Variants in TGM3 observed in about 807,000 individuals in gnomAD.
TGM3 encodes protein-glutamine gamma-glutamyltransferase E.
A neutral mutation model predicts 73.8 loss-of-function variants in TGM3; 52 were observed. The observed-to-expected ratio is 0.70, with a 90% confidence interval of 0.56 to 0.89. The LOEUF (loss-of-function observed/expected upper bound fraction) is 0.89, where lower values mean the gene tolerates loss of function less well. Among genes scored for constraint, TGM3 ranks in the 40% least tolerant of loss-of-function variants. The pLI is 0.00. For missense variants in TGM3, 928 were observed against 909.9 expected, an observed-to-expected ratio of 1.02 and a Z score of -0.26; for synonymous variants, 372 against 354.9, an observed-to-expected ratio of 1.05 and a Z score of -0.54.
rs112111907 is a variant in TGM3, at chr20:2,329,678, C to G, written c.1333+1313C>G. 2.7e-3 allele frequency among the ~76,000 whole-genome samples: 406 copies of G among 152,222 alleles called. 1 individual carries two copies. The highest frequency in any genetic ancestry group is 9.4e-3 in the African/African-American group (392 of 41,524). ...CAAAAACTCGGGGGCGGAAGGTGAACTCTAGCCCTACCAGCCATAATTGTG... is the reference window on the plus strand; with the variant it reads ...CAAAAACTCGGGGGCGGAAGGTGAAGTCTAGCCCTACCAGCCATAATTGTG... On this transcript the variant is annotated intron_variant, in intron 9 of 12. Coordinates refer to ENST00000381458, the MANE Select transcript of TGM3 (RefSeq NM_003245.4).
intron 4 of TGM3, among the ~76,000 whole-genome samples, chr20:2,312,434 G>A (rs1007790742): frequency 1.2e-4 from 17 of 145,836 alleles, no homozygotes; most frequent in Admixed American, 9.0e-4. Context: ...ATGGGAGGCA[G>A]AGCTAGAAGG....
At position 2,296,913 on chromosome 20, in the gene TGM3, G is replaced by A. The variant is rs1301641017; in HGVS notation, c.7+843G>A. Among the ~76,000 whole-genome samples the A allele has an allele frequency of 3.3e-5, 5 of 152,192 alleles. No individual in the cohort carries two copies. The East Asian group carries it at 5.8e-4, about 18-fold the overall frequency. ...AAACTTGTAAAATATTGTGAATGGC[G>A]ATTAGGGCTGCTGGAAGATTGGCCA... On this transcript the variant is annotated intron_variant, in intron 1 of 12. Transcript: ENST00000381458.
rs143659369 is a variant in TGM3, at chr20:2,310,197, G to A, written c.201G>A (p.Ser67=). The A allele has an allele frequency of 1.2e-3, 2,014 of 1,614,154 alleles. No individual in the cohort carries two copies. The highest frequency in any genetic ancestry group is 1.6e-3 in the Non-Finnish European group (1,883 of 1,180,032). ...IVSTGPYPSE[S]AMTKAVFPLS... ...TGACAGGGCCTTACCCCTCAGAGTC[G>A]GCCATGACGAAGGCTGTGTTTCCAC... Residue 67 remains serine, a synonymous_variant, in exon 3 of 13, where the codon TCG becomes TCA. Coordinates refer to ENST00000381458, the MANE Select transcript of TGM3 (RefSeq NM_003245.4).
intron 3 of TGM3, 131 bp downstream of exon 3, chr20:2,310,548 C>A: frequency 7.0e-7 from 1 of 1,435,298 alleles, no homozygotes; most frequent in Non-Finnish European, 9.3e-7. Context: ...GGCGCAGAAG[C>A]TAGAAATGAG....
At chr20:2,317,011 G>A (rs958810605) in intron 5 of TGM3, 57 bp from the exon 6 acceptor site, 10 of 1,582,024 alleles carry the variant, frequency 6.3e-6, no homozygotes, top group Non-Finnish European at 6.9e-6. Flanking sequence ...CTGCATGTCA[G>A]TCTCCCTAGG....
chr20:2,307,051 T>C (rs1295095577), intron 1 of TGM3, among the ~76,000 whole-genome samples: 2 of 152,210 alleles, frequency 1.3e-5, no homozygotes, highest in African/African-American at 4.8e-5. Flanking sequence ...ATTTCTTCCC[T>C]TCATTCAACA....
chr20:2,340,825 C>A lies in TGM3; in HGVS notation c.*244C>A. 1 of 636,830 alleles carries A rather than the reference C, an allele frequency of 1.6e-6. No individual in the cohort carries two copies. The highest frequency in any genetic ancestry group is 2.9e-6 in the Non-Finnish European group (1 of 344,308). 39.4% of individuals were successfully genotyped at this position (636,830 alleles called of 1,614,324 possible). A position where few individuals can be genotyped will look rare whatever the true frequency, so the allele number is the denominator to read the frequency against. On this transcript the variant is annotated 3_prime_UTR_variant, in exon 13 of 13. Transcript: ENST00000381458. ...CCCTGGCCGCTTCTCCCCAGAGCTG[C>A]CTGCTCTGTGAGCCCCACAGCCCTG...
chr20:2,335,922 C>T (rs1185394734), intron 11 of TGM3, among the ~76,000 whole-genome samples: 1 of 152,260 alleles, frequency 6.6e-6, no homozygotes, highest in Non-Finnish European at 1.5e-5. Flanking sequence ...CCGCCAGAGT[C>T]AAGGCTAGGC....
chr20:2,336,713 C>T (rs939815334), intron 11 of TGM3, among the ~76,000 whole-genome samples: 12 of 151,758 alleles, frequency 7.9e-5, no homozygotes, highest in Non-Finnish European at 1.5e-5. Flanking sequence ...AGTGACTGGG[C>T]AGCCAGTCTG....
intron 7 of TGM3, 58 bp downstream of exon 7, chr20:2,317,543 C>G: frequency 3.1e-6 from 5 of 1,603,658 alleles, no homozygotes; most frequent in Non-Finnish European, 4.3e-6. Flanking sequence ...GCTTCTCGCT[C>G]TCACCATCCT....
rs778072885 is a variant in TGM3, at chr20:2,332,288, A to G, written c.1620A>G (p.Thr540=). ...LVHEVWKDSA[T]MSLDPEEEAE... ...ATGAAGTGTGGAAGGACTCTGCCAC[A>G]ATGTCCCTGGACCCTGAGGAAGGTA... Residue 540 remains threonine, a synonymous_variant, in exon 10 of 13, where the codon ACA becomes ACG. Coordinates refer to ENST00000381458, the MANE Select transcript of TGM3 (RefSeq NM_003245.4). The surrounding 1 kb of genome is among the most constrained non-coding windows in gnomAD (Gnocchi z 4.4). 1.2e-6 allele frequency: 2 copies of G among 1,607,692 alleles called. No homozygotes were observed. Among genetic ancestry groups the G allele is most frequent in the Non-Finnish European group, 1.7e-6 (2 of 1,176,276 alleles).
chr20:2,332,332 G>A lies in TGM3; in HGVS notation c.1642+22G>A. 1.3e-6 allele frequency: 2 copies of A among 1,549,664 alleles called. No individual in the cohort carries two copies. The highest frequency in any genetic ancestry group is 1.7e-6 in the Non-Finnish European group (2 of 1,147,476). On this transcript the variant is annotated intron_variant, in intron 10 of 12. Transcript: ENST00000381458. This position sits in a 1 kb window ranked among gnomAD's most constrained non-coding sequence, Gnocchi z 4.4. Reference sequence around the variant, plus strand: ...GAAGGTAACGCATCCCGCAGTTGGAGGAGATCCACGAATCCGAGGTAGCCA... The same window carrying A: ...GAAGGTAACGCATCCCGCAGTTGGAAGAGATCCACGAATCCGAGGTAGCCA...
chr20:2,334,639 A>G lies in TGM3; in HGVS notation c.1643-477A>G, dbSNP rs1377115370. ...AATCAGGTGGCATTTGTATTCTTCCACTGCCCCTCAGAAGGACACTTGTGG... is the reference window on the plus strand; with the variant it reads ...AATCAGGTGGCATTTGTATTCTTCCGCTGCCCCTCAGAAGGACACTTGTGG... On this transcript the variant is annotated intron_variant, in intron 10 of 12. Transcript: ENST00000381458. The surrounding 1 kb of genome is among the most constrained non-coding windows in gnomAD (Gnocchi z 4.0). 6.6e-6 allele frequency among the ~76,000 whole-genome samples: 1 copy of G among 152,234 alleles called. No homozygotes were observed. Among genetic ancestry groups the G allele is most frequent in the South Asian group, 2.1e-4 (1 of 4,824 alleles).
chr20:2,333,054 C>T (rs2084329745), intron 10 of TGM3, among the ~76,000 whole-genome samples: 1 of 152,194 alleles, frequency 6.6e-6, no homozygotes, highest in Admixed American at 6.5e-5. Context: ...AAAGGTTGTG[C>T]TGTGGAAGGA....
At chr20:2,325,067 T>G (rs974338085) in intron 7 of TGM3, among the ~76,000 whole-genome samples, 1 of 152,232 alleles carries the variant, frequency 6.6e-6, no homozygotes, top group African/African-American at 2.4e-5. Flanking sequence ...GAACTATCTT[T>G]TCCACCTCAT....
intron 1 of TGM3, among the ~76,000 whole-genome samples, chr20:2,301,490 A>G (rs1269483871): frequency 6.7e-6 from 1 of 149,258 alleles, no homozygotes; most frequent in Non-Finnish European, 1.5e-5. Flanking sequence ...ATCCATTAGC[A>G]GGTTGTGAAA....
intron 5 of TGM3, among the ~76,000 whole-genome samples, chr20:2,313,715 TG>T (rs2084219298): frequency 6.6e-6 from 1 of 152,168 alleles, no homozygotes; most frequent in African/African-American, 2.4e-5. Context: ...TCTATGGCTC[TG>T]CACTCATTGT....
intron 7 of TGM3, among the ~76,000 whole-genome samples, chr20:2,319,768 C>T (rs2084253446): frequency 6.6e-6 from 1 of 152,188 alleles, no homozygotes; most frequent in South Asian, 2.1e-4. Context: ...CTACACCATT[C>T]CCTACAGCTG....
At chr20:2,321,386 C>T (rs368401748) in intron 7 of TGM3, among the ~76,000 whole-genome samples, 4 of 152,170 alleles carry the variant, frequency 2.6e-5, no homozygotes, top group East Asian at 1.9e-4. Context: ...GTATTATTGG[C>T]ACTCTCTTGG....
Sources: gnomAD v4.1 joint callset for allele counts (sites outside exome capture counted in the v4.1 genomes callset) on GRCh38, gnomAD v4.1.1 for gene constraint, Gnocchi (gnomAD v3.1) non-coding constraint, MANE v1.5 for transcripts, NCBI Gene and HGNC (gene_info 2026-07-23, HGNC 2026-07-21) for gene names.